The following PCDHA5 variants were observed in gnomAD, a reference collection of about 807,000 sequenced individuals.
The protein encoded by PCDHA5 is protocadherin alpha 5.
Under a neutral mutation model 61.6 loss-of-function variants are expected in PCDHA5, and 43 were observed. That is an observed-to-expected ratio of 0.70 (90% CI 0.55 to 0.90). The LOEUF (loss-of-function observed/expected upper bound fraction) is 0.90, where lower values mean the gene tolerates loss of function less well. PCDHA5 is among the 40% of genes least tolerant of loss of function. The pLI is 0.00. For missense variants in PCDHA5, 1,298 were observed against 1,222.7 expected, an observed-to-expected ratio of 1.06 and a Z score of -0.92; for synonymous variants, 627 against 543.9, an observed-to-expected ratio of 1.15 and a Z score of -2.13.
At chr5:140,998,049 ACAT>A (rs782468760) in intron 3 of PCDHA5, among the ~76,000 whole-genome samples, 4 of 152,194 alleles carry the variant, frequency 2.6e-5, no homozygotes, top group Admixed American at 6.5e-5. Flanking sequence ...TAACTCAGTG[ACAT>A]CATCATCAAC....
chr5:140,837,916 C>T (rs191330965), intron 1 of PCDHA5, among the ~76,000 whole-genome samples: 6 of 151,766 alleles, frequency 4.0e-5, no homozygotes, highest in South Asian at 4.2e-4. Context: ...TGGCTTCAAG[C>T]GATCCTCCTA....
chr5:140,921,631 T>A (rs1435281144), intron 1 of PCDHA5, among the ~76,000 whole-genome samples: 1 of 152,206 alleles, frequency 6.6e-6, no homozygotes, highest in East Asian at 1.9e-4. Flanking sequence ...ATCATCATTA[T>A]GGTAGCTATT....
At chr5:140,927,189 G>T in intron 1 of PCDHA5, 1 of 1,614,150 alleles carries the variant, frequency 6.2e-7, no homozygotes. Flanking sequence ...CCTACGACCT[G>T]GTGCTCGAGG....
Position 140,841,423 on chromosome 5 carries a change from C to T in PCDHA5, c.2352+17296C>T, listed in dbSNP as rs139433967. ...TGGGGAGCGGCCAGCTCCACTACTCCGTCCCCGAGGAGGCCAAACACGGCA... is the reference window on the plus strand; with the variant it reads ...TGGGGAGCGGCCAGCTCCACTACTCTGTCCCCGAGGAGGCCAAACACGGCA... On this transcript the variant is annotated intron_variant, in intron 1 of 3. Coordinates refer to ENST00000529859, the MANE Select transcript of PCDHA5 (RefSeq NM_018908.3). 4.9e-4 allele frequency: 796 copies of T among 1,610,400 alleles called. 13 individuals carry two copies. The African/African-American group carries it at 8.8e-3, about 18-fold the overall frequency.
chr5:140,973,513 A>G (rs2096591492), intron 1 of PCDHA5, among the ~76,000 whole-genome samples: 1 of 151,864 alleles, frequency 6.6e-6, no homozygotes, highest in Non-Finnish European at 1.5e-5. Context: ...GAAAAAGTTT[A>G]TTTTCTTTGG....
rs200360846 is a variant in PCDHA5, at chr5:140,842,668, C to T, written c.2352+18541C>T. On this transcript the variant is annotated intron_variant, in intron 1 of 3. Transcript: ENST00000529859. ...TGTCTGTGGAGGTGGCCGACGTGAA[C>T]GACAATGCTCCGGCGTTCGCGCAGC... 2.5e-4 allele frequency: 393 copies of T among 1,595,370 alleles called. 33 individuals carry two copies. Among genetic ancestry groups the T allele is most frequent in the South Asian group, 1.5e-4 (14 of 90,464 alleles).
intron 1 of PCDHA5, chr5:140,847,666 C>T (rs1419197833): frequency 6.7e-6 from 1 of 149,608 alleles, no homozygotes; most frequent in African/African-American, 2.4e-5. Flanking sequence ...GATTATAAAG[C>T]TTGGAAAGAA....
chr5:140,965,678 T>C (rs937496921), intron 1 of PCDHA5, among the ~76,000 whole-genome samples: 1 of 152,182 alleles, frequency 6.6e-6, no homozygotes, highest in Non-Finnish European at 1.5e-5. Context: ...ATGTAAAAGA[T>C]TTGAAGCAAG....
chr5:140,987,244 A>T (rs1184597193), intron 3 of PCDHA5, among the ~76,000 whole-genome samples: 1 of 152,018 alleles, frequency 6.6e-6, no homozygotes, highest in Non-Finnish European at 1.5e-5. Context: ...ATAAAGAAAG[A>T]AAGACATTCT....
Position 140,822,319 on chromosome 5 carries a change from A to C in PCDHA5, c.544A>C (p.Lys182Gln). 1 of 1,614,204 alleles carries C rather than the reference A, an allele frequency of 6.2e-7. No individual in the cohort carries two copies. The highest frequency in any genetic ancestry group is 8.5e-7 in the Non-Finnish European group (1 of 1,180,030). The change falls in exon 1 of 4, where the codon AAA (lysine) becomes CAA (glutamine). Residue 182 changes from lysine (K) to glutamine (Q), a missense_variant. Physicochemically the swap from Lys to Gln is moderately conservative, Grantham distance 53. Transcript: ENST00000529859. The part of the protein sequence containing the change: ...NPNEYFDLDV[K>Q]TNEEETNFLE... ...AAACGAATATTTTGACTTAGATGTT[A>C]AAACAAATGAAGAAGAAACGAACTT...
At chr5:140,968,715 A>T (rs2096265469) in intron 1 of PCDHA5, 1 of 1,614,014 alleles carries the variant, frequency 6.2e-7, no homozygotes, top group South Asian at 1.1e-5. Flanking sequence ...AAGATGGGAG[A>T]TGAGAGTGGT....
intron 1 of PCDHA5, among the ~76,000 whole-genome samples, chr5:140,978,417 A>G (rs2096800848): frequency 6.6e-6 from 1 of 152,158 alleles, no homozygotes. Context: ...CAGAAAAGAG[A>G]CTGTTATCAG....
chr5:140,885,965 A>C (rs2060792569), intron 1 of PCDHA5, among the ~76,000 whole-genome samples: 1 of 152,070 alleles, frequency 6.6e-6, no homozygotes, highest in African/African-American at 2.4e-5. Context: ...TTTTATTTTG[A>C]GATAATTATA....
chr5:140,841,114 T>C (rs2150311282), intron 1 of PCDHA5: 5 of 610,018 alleles, frequency 8.2e-6, no homozygotes, highest in Non-Finnish European at 1.4e-5. Flanking sequence ...AAGTAATTCA[T>C]GTAATCATTA....
intron 1 of PCDHA5, chr5:140,859,867 TC>T (rs2046061567): frequency 6.6e-6 from 1 of 152,134 alleles, no homozygotes; most frequent in East Asian, 1.9e-4. Context: ...AATATATACT[TC>T]CCCCTCTGAT....
rs1333191283 is a variant in PCDHA5 at position 140,836,505 on chromosome 5, T to C, written c.2352+12378T>C. 11 of 1,613,862 alleles carry C rather than the reference T, an allele frequency of 6.8e-6. No homozygotes were observed. In the African/African-American group the frequency reaches 8.0e-5, roughly 12 times the overall value. On this transcript the variant is annotated intron_variant, in intron 1 of 3. Coordinates refer to ENST00000529859, the MANE Select transcript of PCDHA5 (RefSeq NM_018908.3). Reference sequence around the variant, plus strand: ...CCTGATCATCGCCATCTGCGCGGTGTCCAGTCTGTTGGTGCTTACCCTGCT... The same window carrying C: ...CCTGATCATCGCCATCTGCGCGGTGCCCAGTCTGTTGGTGCTTACCCTGCT...
chr5:140,964,939 T>C (rs1230992301), intron 1 of PCDHA5, among the ~76,000 whole-genome samples: 1 of 152,182 alleles, frequency 6.6e-6, no homozygotes, highest in Non-Finnish European at 1.5e-5. Flanking sequence ...GGAGCATTGA[T>C]AGTGAGTGTG....
At chr5:140,993,877 C>T (rs1457877493) in intron 3 of PCDHA5, among the ~76,000 whole-genome samples, 4 of 152,150 alleles carry the variant, frequency 2.6e-5, no homozygotes, top group South Asian at 2.1e-4. Context: ...TGTGTAAGTA[C>T]GCTCTATGAT....
At chr5:140,866,021 G>A (rs2049106478) in intron 1 of PCDHA5, 1 of 152,210 alleles carries the variant, frequency 6.6e-6, no homozygotes, top group Middle Eastern at 3.4e-3. Flanking sequence ...TTTCTTGTAA[G>A]AGTTCGTGAT....
Sources: allele counts gnomAD v4.1 joint callset (sites outside exome capture counted in the v4.1 genomes callset), GRCh38; gene constraint gnomAD v4.1.1; transcripts MANE v1.5; gene names NCBI Gene and HGNC (gene_info 2026-07-23, HGNC 2026-07-21).